SNX25: variants seen among roughly 807,000 people sequenced by gnomAD.
The protein encoded by SNX25 is sorting nexin-25.
A neutral mutation model predicts 113.7 loss-of-function variants in SNX25; 62 were observed. The observed-to-expected ratio is 0.55, with a 90% CI of 0.44 to 0.67. The LOEUF (loss-of-function observed/expected upper bound fraction) is 0.67, where lower values mean the gene tolerates loss of function less well. Ranked by LOEUF, SNX25 falls within the 30% of genes least tolerant of loss-of-function variation. The pLI is 0.00. For synonymous variants in SNX25, 421 were observed against 436.2 expected (o/e 0.97, Z 0.43); for missense variants, 1,014 against 1,161.0 (o/e 0.87, Z 1.84).
At chr4:185,351,111 G>A (rs538335166) in intron 13 of SNX25, among the ~76,000 whole-genome samples, 1 of 152,194 alleles carries the variant, frequency 6.6e-6, no homozygotes, top group Non-Finnish European at 1.5e-5. Context: ...TATTTCAAAA[G>A]TGGTAGCGCC....
the SNX25 span, chr4:185,375,487 A>AAATATAAATAT: frequency 1.7e-4 from 2 of 12,010 alleles, no homozygotes; most frequent in Non-Finnish European, 2.9e-4. Flanking sequence ...AAAAAAAAAA[A>AAATATAAATAT]ATATATATAT....
intron 1 of SNX25, among the ~76,000 whole-genome samples, chr4:185,231,700 G>C (rs1249817969): frequency 7.9e-6 from 1 of 127,136 alleles, no homozygotes; most frequent in African/African-American, 2.9e-5. Flanking sequence ...GACAGAGTGG[G>C]ACTCCATCTT....
chr4:185,273,571 G>C (rs193111352), intron 5 of SNX25, among the ~76,000 whole-genome samples: 9 of 152,240 alleles, frequency 5.9e-5, no homozygotes, highest in Admixed American at 1.3e-4. Flanking sequence ...AGCAAATTTC[G>C]AGTGTATCAT....
intron 6 of SNX25, among the ~76,000 whole-genome samples, chr4:185,296,486 A>G (rs1192058265): frequency 1.3e-5 from 2 of 152,094 alleles, no homozygotes; most frequent in Non-Finnish European, 2.9e-5. Flanking sequence ...GGAAATTTTT[A>G]TTTGATTTTT....
intron 6 of SNX25, among the ~76,000 whole-genome samples, chr4:185,292,251 T>C (rs1752275673): frequency 6.6e-6 from 1 of 151,988 alleles, no homozygotes; most frequent in Non-Finnish European, 1.5e-5. Flanking sequence ...CTAGTAAGAA[T>C]GAAGGGAAGC....
chr4:185,274,218 G>T (rs1477364104), intron 5 of SNX25, among the ~76,000 whole-genome samples: 1 of 151,970 alleles, frequency 6.6e-6, no homozygotes, highest in African/African-American at 2.4e-5. Flanking sequence ...GCCCCACCAC[G>T]CCTGGCTAAT....
chr4:185,344,705 C>T (rs1289107391), intron 12 of SNX25, among the ~76,000 whole-genome samples: 1 of 152,276 alleles, frequency 6.6e-6, no homozygotes, highest in East Asian at 1.9e-4. Flanking sequence ...TTTACAAAAC[C>T]TCATGGGCAC....
intron 1 of SNX25, among the ~76,000 whole-genome samples, chr4:185,229,337 C>T (rs748268675): frequency 4.6e-5 from 7 of 152,196 alleles, no homozygotes; most frequent in Non-Finnish European, 1.0e-4. Flanking sequence ...ATGCAAAAGC[C>T]TTCCATGTGG....
intron 1 of SNX25, among the ~76,000 whole-genome samples, chr4:185,236,930 T>C (rs577957861): frequency 2.0e-5 from 3 of 152,324 alleles, no homozygotes; most frequent in South Asian, 2.1e-4. Context: ...CAAAATGTTA[T>C]TAGTGATCAT....
At chr4:185,372,708 G>C, downstream of SNX25, 1 of 597,746 alleles carries the variant, frequency 1.7e-6, no homozygotes, top group South Asian at 2.7e-5. Flanking sequence ...GCTTTCTGCT[G>C]TCACGTGAGG....
At chr4:185,253,809 A>G (rs906880071) in intron 2 of SNX25, among the ~76,000 whole-genome samples, 5 of 152,198 alleles carry the variant, frequency 3.3e-5, no homozygotes, top group African/African-American at 1.2e-4. Context: ...AGCTAGTTTT[A>G]ATTGGCTCTT....
chr4:185,342,736 C>CGGT (rs1261331545), intron 12 of SNX25, among the ~76,000 whole-genome samples: 1 of 150,108 alleles, frequency 6.7e-6, no homozygotes, highest in African/African-American at 2.5e-5. Flanking sequence ...CAGTAAGGTG[C>CGGT]GGTGCTTGGA....
rs1178742173 is a variant in SNX25 at position 185,210,641 on chromosome 4, T to A, written c.429+386T>A. Among the ~76,000 whole-genome samples, 2 of 151,824 alleles carry A rather than the reference T, an allele frequency of 1.3e-5. No homozygotes were observed. Among genetic ancestry groups the A allele is most frequent in the Admixed American group, 6.6e-5 (1 of 15,238 alleles). ...CTGCGCACGGTCCTGGCGATCCGCT[T>A]GGTTCTTCTGGCCGTTCTCGGTGGG... On this transcript the variant is annotated intron_variant, in intron 1 of 18. Coordinates refer to ENST00000652585, the MANE Select transcript of SNX25 (RefSeq NM_001378034.2). This position sits in a 1 kb window ranked among gnomAD's most constrained non-coding sequence, Gnocchi z 4.4.
rs533124455 is a variant in SNX25, at chr4:185,322,458, C to G, written c.1477-1070C>G. 2.0e-5 allele frequency among the ~76,000 whole-genome samples: 3 copies of G among 152,262 alleles called. No individual in the cohort carries two copies. In the South Asian group the frequency reaches 6.2e-4, roughly 32 times the overall value. On this transcript the variant is annotated intron_variant, in intron 8 of 18. Transcript: ENST00000652585. ...GAAGGTGGGGGGGAAGCACCAAGAGCATATTGTACACTGAATTACTCATTT... is the reference window on the plus strand; with the variant it reads ...GAAGGTGGGGGGGAAGCACCAAGAGGATATTGTACACTGAATTACTCATTT...
upstream of SNX25, chr4:185,209,418 G>C (rs1737366666): frequency 6.6e-6 from 1 of 152,312 alleles, no homozygotes; most frequent in African/African-American, 2.4e-5. The surrounding 1 kb of genome is among the most constrained non-coding windows in gnomAD (Gnocchi z 5.2). Context: ...GCGTGGGAAA[G>C]AGAGGTGTGC....
chr4:185,330,809 G>A (rs2095189124), intron 9 of SNX25, among the ~76,000 whole-genome samples: 1 of 151,306 alleles, frequency 6.6e-6, no homozygotes. Context: ...TTTAAGTTTT[G>A]TTACTTGGTT....
At chr4:185,240,224 C>G (rs952216194) in intron 1 of SNX25, among the ~76,000 whole-genome samples, 44 of 152,246 alleles carry the variant, frequency 2.9e-4, no homozygotes, top group Non-Finnish European at 5.9e-4. Flanking sequence ...CCTTTCCCCC[C>G]TTTCTATTCC....
At chr4:185,355,059 A>C (rs1162754542) in intron 15 of SNX25, among the ~76,000 whole-genome samples, 1 of 152,238 alleles carries the variant, frequency 6.6e-6, no homozygotes, top group Non-Finnish European at 1.5e-5. Flanking sequence ...TCTCATTTAT[A>C]AATCCCTTAA....
At chr4:185,274,691 C>T (rs564183593) in intron 5 of SNX25, among the ~76,000 whole-genome samples, 1 of 152,324 alleles carries the variant, frequency 6.6e-6, no homozygotes, top group Admixed American at 6.5e-5. Context: ...GAGGAGAAAA[C>T]TTTGTTTTCT....
Sources: gnomAD v4.1 joint callset for allele counts (sites outside exome capture counted in the v4.1 genomes callset) on GRCh38, gnomAD v4.1.1 for gene constraint, Gnocchi (gnomAD v3.1) non-coding constraint, MANE v1.5 for transcripts, NCBI Gene and HGNC (gene_info 2026-07-23, HGNC 2026-07-21) for gene names.